Variants in DNAJB4 observed in about 807,000 individuals in gnomAD.
The protein encoded by DNAJB4 is DnaJ heat shock protein family (Hsp40) member B4.
DNAJB4 carries 10 observed loss-of-function variants against 26.6 expected under a neutral mutation model. The ratio of observed to expected loss-of-function variants is 0.38; its 90% CI spans 0.23 to 0.64. The LOEUF (loss-of-function observed/expected upper bound fraction) is 0.64. DNAJB4 is among the 30% of genes least tolerant of loss of function. The pLI is 0.58. For synonymous variants in DNAJB4, 136 were observed against 134.8 expected (o/e 1.01, Z -0.06); for missense variants, 328 against 408.2 (o/e 0.80, Z 1.69).
intron 1 of DNAJB4, among the ~76,000 whole-genome samples, chr1:77,983,824 T>TG: frequency 6.6e-6 from 1 of 152,334 alleles, no homozygotes; most frequent in Admixed American, 6.5e-5. Flanking sequence ...TGATCTCTCT[T>TG]GCTTTTCCCC....
At chr1:77,982,011 T>C (rs1165410854) in intron 1 of DNAJB4, among the ~76,000 whole-genome samples, 1 of 152,220 alleles carries the variant, frequency 6.6e-6, no homozygotes, top group African/African-American at 2.4e-5. Context: ...AGCTTTCCAT[T>C]ACTTTAGGTA....
intron 1 of DNAJB4, among the ~76,000 whole-genome samples, chr1:77,980,605 C>T (rs1216607783): frequency 1.3e-5 from 2 of 151,892 alleles, no homozygotes; most frequent in Non-Finnish European, 2.9e-5. Flanking sequence ...TGAACTTTCT[C>T]GACTTTGTGG....
Position 78,005,122 on chromosome 1 carries a change from C to CT in DNAJB4, c.13dup (p.Tyr5LeufsTer8). 1 of 1,613,598 alleles carries CT rather than the reference C, an allele frequency of 6.2e-7. No individual in the cohort carries two copies. The highest frequency in any genetic ancestry group is 8.5e-7 in the Non-Finnish European group (1 of 1,179,852). On this transcript the variant is annotated frameshift_variant, in exon 1 of 3. Coordinates refer to ENST00000370763, the MANE Select transcript of DNAJB4 (RefSeq NM_007034.5). LOFTEE classifies it high-confidence loss of function. Reference sequence around the variant, plus strand: ...TCAAGGCATTCGAAATGGGGAAAGACTATTATTGCATTTTGGGAATTGAGA... The same window carrying CT: ...TCAAGGCATTCGAAATGGGGAAAGACTTATTATTGCATTTTGGGAATTGAGA...
chr1:78,011,867 T>C (rs138100907), intron 1 of DNAJB4, among the ~76,000 whole-genome samples: 1,781 of 150,986 alleles, frequency 0.012, 32 homozygotes, highest in African/African-American at 0.042. Context: ...ATTATATTTT[T>C]ACATATTTCT....
In DNAJB4 at chr1:78,005,466, A is replaced by T. The variant is rs578253195; in HGVS notation, c.211+145A>T. 8.8e-5 allele frequency: 59 copies of T among 673,308 alleles called. No homozygotes were observed. The African/African-American group carries it at 9.4e-4, about 11-fold the overall frequency. The allele number at this position is 673,308 out of a possible 1,614,324, so 41.7% of individuals were successfully genotyped here. A position where few individuals can be genotyped will look rare whatever the true frequency, so the allele number is the denominator to read the frequency against. On this transcript the variant is annotated intron_variant, in intron 1 of 2. Transcript: ENST00000370763. ...TCTCAGTCATATCAAAAGTAGAAGG[A>T]CAAATGTATAATAACAAGGTTTCAT...
chr1:77,983,074 G>A (rs568534981), intron 1 of DNAJB4, among the ~76,000 whole-genome samples: 1 of 152,350 alleles, frequency 6.6e-6, no homozygotes, highest in South Asian at 2.1e-4. Context: ...GTTTCTCGAA[G>A]AGGGGGATGT....
At chr1:77,988,495 T>A (rs1190541037) in intron 1 of DNAJB4, among the ~76,000 whole-genome samples, 2 of 152,224 alleles carry the variant, frequency 1.3e-5, no homozygotes, top group East Asian at 3.8e-4. Flanking sequence ...TCTCTGACCA[T>A]CTTTCAACCC....
intron 1 of DNAJB4, among the ~76,000 whole-genome samples, chr1:77,988,644 C>T (rs1659857835): frequency 6.6e-6 from 1 of 152,182 alleles, no homozygotes; most frequent in African/African-American, 2.4e-5. Flanking sequence ...AGCTTTCCTC[C>T]TTTCCTTTCA....
intron 1 of DNAJB4, among the ~76,000 whole-genome samples, chr1:77,996,190 T>C (rs1430772853): frequency 6.6e-6 from 1 of 152,146 alleles, no homozygotes; most frequent in African/African-American, 2.4e-5. Flanking sequence ...TCTTATTGTG[T>C]CACTCAGGTT....
chr1:78,014,123 ATTTC>A (rs1186045469), intron 2 of DNAJB4, among the ~76,000 whole-genome samples: 1 of 150,660 alleles, frequency 6.6e-6, no homozygotes, highest in Non-Finnish European at 1.5e-5. Flanking sequence ...TATTTGCACT[ATTTC>A]TTTTTTTTTT....
intron 1 of DNAJB4, among the ~76,000 whole-genome samples, chr1:77,989,603 T>C (rs1659885746): frequency 1.3e-5 from 2 of 152,224 alleles, no homozygotes; most frequent in South Asian, 4.1e-4. Flanking sequence ...CTATTACTAC[T>C]GAAGCCAAAA....
rs774433656 is a variant in DNAJB4, at chr1:78,005,368, T to G, written c.211+47T>G. ...TTCTGTCTCTTCAGCTCTGTCTCTTTTTTTTTTTTCTCTCTCTCTGCCAGC... is the reference window on the plus strand; with the variant it reads ...TTCTGTCTCTTCAGCTCTGTCTCTTGTTTTTTTTTCTCTCTCTCTGCCAGC... On this transcript the variant is annotated intron_variant, in intron 1 of 2. Coordinates refer to ENST00000370763, the MANE Select transcript of DNAJB4 (RefSeq NM_007034.5). 46 of 1,369,268 alleles carry G rather than the reference T, an allele frequency of 3.4e-5. 2 individuals carry two copies. The African/African-American group carries it at 6.7e-4, about 20-fold the overall frequency. 84.8% of individuals were successfully genotyped at this position (1,369,268 alleles called of 1,614,324 possible). A position where few individuals can be genotyped will look rare whatever the true frequency, so the allele number is the denominator to read the frequency against.
rs1181242341 is a variant in DNAJB4, at chr1:78,017,217, C to T, written c.*970C>T. 1 of 151,992 alleles carries T rather than the reference C, an allele frequency of 6.6e-6. No individual in the cohort carries two copies. The highest frequency in any genetic ancestry group is 1.5e-5 in the Non-Finnish European group (1 of 67,904). The allele number at this position is 151,992 out of a possible 1,614,324, so 9.4% of individuals were successfully genotyped here. A position where few individuals can be genotyped will look rare whatever the true frequency, so the allele number is the denominator to read the frequency against. On this transcript the variant is annotated 3_prime_UTR_variant, in exon 3 of 3. Coordinates refer to ENST00000370763, the MANE Select transcript of DNAJB4 (RefSeq NM_007034.5). ...TAACTGCTGCTTATGGATAATGTTG[C>T]AACTACTTGTTATGCATATAAATAT...
chr1:78,009,137 A>G (rs1660404322), intron 1 of DNAJB4, among the ~76,000 whole-genome samples: 1 of 152,126 alleles, frequency 6.6e-6, no homozygotes, highest in Admixed American at 6.5e-5. Flanking sequence ...TGTTCTAAAA[A>G]CATGTAAGTA....
Position 78,016,046 on chromosome 1 carries a change from A to G in DNAJB4, c.813A>G (p.Thr271=). 1 of 1,614,088 alleles carries G rather than the reference A, an allele frequency of 6.2e-7. No individual in the cohort carries two copies. The highest frequency in any genetic ancestry group is 8.5e-7 in the Non-Finnish European group (1 of 1,180,018). Residue 271 remains threonine, a synonymous_variant, in exon 3 of 3, where the codon ACA becomes ACG. Transcript: ENST00000370763. ...ALCGCSINVP[T]LDGRNIPMSV... is the part of the protein sequence containing the mutation. ...GTGGCTGCTCAATTAATGTACCAAC[A>G]CTGGATGGAAGAAACATACCTATGT...
chr1:78,004,145 A>G (rs1660259651), upstream of DNAJB4, among the ~76,000 whole-genome samples: 1 of 152,162 alleles, frequency 6.6e-6, no homozygotes, highest in African/African-American at 2.4e-5. Flanking sequence ...TTCCTGCAGC[A>G]CCACAGTTCT....
rs1477963079 is a variant in DNAJB4, at chr1:78,017,826, A to G, written c.*1579A>G. 2.8e-5 allele frequency: 4 copies of G among 143,344 alleles called. No individual in the cohort carries two copies. In the Admixed American group the frequency reaches 2.8e-4, roughly 10 times the overall value. 8.9% of individuals were successfully genotyped at this position (143,344 alleles called of 1,614,324 possible). A position where few individuals can be genotyped will look rare whatever the true frequency, so the allele number is the denominator to read the frequency against. On this transcript the variant is annotated 3_prime_UTR_variant, in exon 3 of 3. Transcript: ENST00000370763. ...AGCTTAATGTTTTCAAGGTTCATCT[A>G]TGTTGTATCACGTATCAGTACTTTA...
In DNAJB4 at chr1:78,013,409, A is replaced by T; in HGVS notation, c.570A>T (p.Gly190=). Residue 190 remains glycine (G), a synonymous_variant, in exon 2 of 3, where the codon GGA becomes GGT. Coordinates refer to ENST00000370763, the MANE Select transcript of DNAJB4 (RefSeq NM_007034.5). ...CTCGAAAAAGGCTAAACGCTGATGG[A>T]AGGAGTTACAGATCTGAGGACAAAA... ...KISRKRLNAD[G]RSYRSEDKIL... 6.2e-7 allele frequency: 1 copy of T among 1,614,198 alleles called. No homozygotes were observed. Among genetic ancestry groups the T allele is most frequent in the Non-Finnish European group, 8.5e-7 (1 of 1,180,038 alleles).
chr1:77,986,782 AAAT>A (rs1001950934), intron 1 of DNAJB4, among the ~76,000 whole-genome samples: 8 of 152,230 alleles, frequency 5.3e-5, no homozygotes, highest in Non-Finnish European at 1.5e-5. Flanking sequence ...TAAATGGCTT[AAAT>A]AATAAAAAAT....
Sources: gnomAD v4.1 joint callset for allele counts (sites outside exome capture counted in the v4.1 genomes callset) on GRCh38, gnomAD v4.1.1 for gene constraint, MANE v1.5 for transcripts, NCBI Gene and HGNC (gene_info 2026-07-23, HGNC 2026-07-21) for gene names.